The following NCOA3 variants were observed in gnomAD, a reference collection of about 807,000 sequenced individuals.
NCOA3 encodes CBP-interacting protein.
NCOA3 carries 51 observed loss-of-function variants against 158.8 expected under a neutral mutation model. The observed-to-expected ratio is 0.32, with a 90% CI of 0.26 to 0.41. The LOEUF is 0.41. NCOA3 is among the 10% of genes least tolerant of loss of function. The pLI is 1.00. For missense variants in NCOA3, 1,510 were observed against 1,746.6 expected (o/e 0.86, Z 2.41); for synonymous variants, 537 against 592.4 (o/e 0.91, Z 1.36).
At chr20:47,539,162 T>C (rs2146124302) in intron 1 of NCOA3, among the ~76,000 whole-genome samples, 1 of 152,286 alleles carries the variant, frequency 6.6e-6, no homozygotes, top group South Asian at 2.1e-4. Flanking sequence ...CCATAGAATT[T>C]GTATGTGCTG....
At chr20:47,548,448 G>A (rs980506954) in intron 1 of NCOA3, among the ~76,000 whole-genome samples, 2 of 151,986 alleles carry the variant, frequency 1.3e-5, no homozygotes, top group African/African-American at 2.4e-5. Flanking sequence ...GGAGGCTGAG[G>A]CAGGAGAATC....
At chr20:47,560,998 G>A (rs1443851179) in intron 1 of NCOA3, among the ~76,000 whole-genome samples, 6 of 140,478 alleles carry the variant, frequency 4.3e-5, no homozygotes, top group African/African-American at 1.6e-4. Flanking sequence ...TTGAGATAGG[G>A]TCTCTGTCAC....
chr20:47,633,457 G>T (rs1289093404), intron 8 of NCOA3, 39 bp from the exon 9 acceptor site: 1 of 1,569,676 alleles, frequency 6.4e-7, no homozygotes, highest in African/African-American at 1.4e-5. Flanking sequence ...ATACTTGTGG[G>T]CTGGATATAA....
At chr20:47,554,791 T>C (rs563528371) in intron 1 of NCOA3, among the ~76,000 whole-genome samples, 29 of 152,210 alleles carry the variant, frequency 1.9e-4, no homozygotes, top group Non-Finnish European at 2.6e-4. Flanking sequence ...CCCAAGGTAA[T>C]TTATAGATTC....
At position 47,656,359 on chromosome 20, in the gene NCOA3, G is replaced by A. The variant is rs1218299445; in HGVS notation, c.*2942G>A. On this transcript the variant is annotated 3_prime_UTR_variant, in exon 23 of 23. Coordinates refer to ENST00000371998, the MANE Select transcript of NCOA3 (RefSeq NM_181659.3). Reference sequence around the variant, plus strand: ...CAGTATTTAATATCTGAGGTGAGTTGGGGGTATCTATATTAGGGGTAGGGT... The same window carrying A: ...CAGTATTTAATATCTGAGGTGAGTTAGGGGTATCTATATTAGGGGTAGGGT... 1 of 152,048 alleles carries A rather than the reference G, an allele frequency of 6.6e-6. No homozygotes were observed. Among genetic ancestry groups the A allele is most frequent in the Non-Finnish European group, 1.5e-5 (1 of 68,018 alleles). 9.4% of individuals were successfully genotyped at this position (152,048 alleles called of 1,614,324 possible).
intron 2 of NCOA3, among the ~76,000 whole-genome samples, chr20:47,584,813 C>T (rs1398176917): frequency 6.6e-6 from 1 of 151,930 alleles, no homozygotes; most frequent in Non-Finnish European, 1.5e-5. Flanking sequence ...AAATGCAGTT[C>T]AAATGTGTTG....
chr20:47,577,887 A>G (rs752675518), intron 1 of NCOA3, among the ~76,000 whole-genome samples: 6 of 152,258 alleles, frequency 3.9e-5, no homozygotes, highest in Non-Finnish European at 8.8e-5. Flanking sequence ...AGAATACATT[A>G]TAAGTCAGCT....
intron 2 of NCOA3, among the ~76,000 whole-genome samples, chr20:47,607,056 G>A (rs1239191062): frequency 6.6e-6 from 1 of 152,160 alleles, no homozygotes; most frequent in Admixed American, 6.5e-5. Context: ...TAAATGACCC[G>A]GTGTTTGATT....
intron 1 of NCOA3, among the ~76,000 whole-genome samples, chr20:47,578,871 A>G (rs2146214002): frequency 6.6e-6 from 1 of 152,332 alleles, no homozygotes; most frequent in Non-Finnish European, 1.5e-5. Flanking sequence ...TGGGTTTAAT[A>G]TGATTAATTG....
chr20:47,571,889 G>C (rs1466496355), intron 1 of NCOA3, among the ~76,000 whole-genome samples: 1 of 151,368 alleles, frequency 6.6e-6, no homozygotes, highest in Non-Finnish European at 1.5e-5. Context: ...CACCATGCTC[G>C]ACTAATTTTT....
At chr20:47,608,318 AAAAAC>A (rs893928762) in intron 2 of NCOA3, among the ~76,000 whole-genome samples, 4 of 151,934 alleles carry the variant, frequency 2.6e-5, no homozygotes, top group Non-Finnish European at 5.9e-5. Context: ...CTCCATCTCA[AAAAAC>A]AAAACAAAAC....
intron 1 of NCOA3, among the ~76,000 whole-genome samples, chr20:47,563,820 C>T (rs545637455): frequency 5.6e-5 from 8 of 142,898 alleles, no homozygotes; most frequent in Non-Finnish European, 1.0e-4. Context: ...ACCTGGGAGG[C>T]GGAGCTTGCA....
intron 1 of NCOA3, among the ~76,000 whole-genome samples, chr20:47,511,741 A>T (rs1183302520): frequency 2.7e-5 from 4 of 150,904 alleles, no homozygotes; most frequent in African/African-American, 9.7e-5. Flanking sequence ...TTTAGTAGAG[A>T]CGGGGTTTCA....
chr20:47,513,254 A>C (rs1457812605), intron 1 of NCOA3, among the ~76,000 whole-genome samples: 1 of 152,190 alleles, frequency 6.6e-6, no homozygotes, highest in Non-Finnish European at 1.5e-5. Context: ...GTTCCCCCCA[A>C]GAGAAACACA....
intron 1 of NCOA3, among the ~76,000 whole-genome samples, chr20:47,541,135 G>A (rs2084720670): frequency 6.6e-6 from 1 of 151,040 alleles, no homozygotes. Flanking sequence ...AAATCTTTGG[G>A]TGAAAAAAAA....
chr20:47,508,145 A>G (rs1473456950), intron 1 of NCOA3, among the ~76,000 whole-genome samples: 1 of 152,232 alleles, frequency 6.6e-6, no homozygotes, highest in Non-Finnish European at 1.5e-5. Context: ...TTATATACAT[A>G]TAAGAAAAAG....
intron 1 of NCOA3, among the ~76,000 whole-genome samples, chr20:47,548,472 A>G (rs1439982017): frequency 6.6e-6 from 1 of 152,106 alleles, no homozygotes; most frequent in East Asian, 1.9e-4. Context: ...TGAACCTGGG[A>G]GGCAGAGGTT....
chr20:47,594,551 G>C (rs544181077), intron 2 of NCOA3, among the ~76,000 whole-genome samples: 2 of 150,764 alleles, frequency 1.3e-5, no homozygotes, highest in East Asian at 2.0e-4. Flanking sequence ...TGTAATCCCA[G>C]CTACTCAGGA....
intron 1 of NCOA3, among the ~76,000 whole-genome samples, chr20:47,569,903 G>A (rs932870165): frequency 2.0e-5 from 3 of 151,728 alleles, no homozygotes; most frequent in Non-Finnish European, 2.9e-5. Context: ...CCAGCTACTC[G>A]GGAGGCTGAG....
Sources: gnomAD v4.1 joint callset for allele counts (sites outside exome capture counted in the v4.1 genomes callset) on GRCh38, gnomAD v4.1.1 for gene constraint, MANE v1.5 for transcripts, NCBI Gene and HGNC (gene_info 2026-07-23, HGNC 2026-07-21) for gene names.